Variants in NELFE observed in about 807,000 individuals in gnomAD.
NELFE encodes negative elongation factor complex member E, also known as negative elongation factor E.
A neutral mutation model predicts 55.5 loss-of-function variants in NELFE; 26 were observed. The ratio of observed to expected loss-of-function variants is 0.47; its 90% CI spans 0.34 to 0.65. The LOEUF (loss-of-function observed/expected upper bound fraction) is 0.65. Ranked by LOEUF, NELFE falls within the 30% of genes least tolerant of loss-of-function variation. The probability of loss-of-function intolerance (pLI) is 0.01; values close to 1 mark genes in which losing one functional copy is unlikely to be tolerated. For synonymous variants in NELFE, 162 were observed against 178.0 expected, an observed-to-expected ratio of 0.91 and a Z score of 0.72; for missense variants, 403 against 506.9, an observed-to-expected ratio of 0.80 and a Z score of 1.97.
rs773369967 is a variant in NELFE, at chr6:31,956,844, G to A, written c.146-6C>T. On this transcript the variant is annotated splice_polypyrimidine_tract_variant and splice_region_variant and intron_variant, in intron 3 of 10. Coordinates refer to ENST00000375429, the MANE Select transcript of NELFE (RefSeq NM_002904.6). The stretch of plus-strand genomic sequence containing the variant: ...GACAGGCTGCTCTGATAGTGCTGGA[G>A]AGACAAGGGGAAGAGGCATTATGTT... 1.2e-6 allele frequency: 2 copies of A among 1,613,060 alleles called. No homozygotes were observed. Among genetic ancestry groups the A allele is most frequent in the Admixed American group, 3.3e-5 (2 of 60,022 alleles).
rs879198291 is a variant in NELFE, at chr6:31,958,911, G to T, written c.-28C>A. On this transcript the variant is annotated 5_prime_UTR_variant, in exon 1 of 11. Coordinates refer to ENST00000375429, the MANE Select transcript of NELFE (RefSeq NM_002904.6). ...CCTTACCCGAGGGGGCGGCAACCGG[G>T]GGCCCCACGGTCTCCGGCCGCGCCC... The T allele has an allele frequency of 6.9e-5, 41 of 594,108 alleles. 1 individual carries two copies. The highest frequency in any genetic ancestry group is 6.9e-4 in the South Asian group (34 of 49,330). 36.8% of individuals were successfully genotyped at this position (594,108 alleles called of 1,614,324 possible).
chr6:31,954,727 G>A lies in NELFE; in HGVS notation c.570C>T (p.Arg190=). The change falls in exon 7 of 11, where the codon CGC becomes CGT. Residue 190 remains arginine (R), a synonymous_variant. Transcript: ENST00000375429. The surrounding 1 kb of genome is among the most constrained non-coding windows in gnomAD (Gnocchi z 5.5). ...CTCTGTCCCGGTTCCTCTCATGGCT[G>A]CGGTCCCGGCTGCGGCTTCGGGGAG... ...ASPPRSRSRD[R]SHERNRDRDR... 1.2e-6 allele frequency: 2 copies of A among 1,613,872 alleles called. No individual in the cohort carries two copies. Among genetic ancestry groups the A allele is most frequent in the Non-Finnish European group, 1.7e-6 (2 of 1,179,936 alleles).
At position 31,954,154 on chromosome 6, in the gene NELFE, G is replaced by A. The variant is rs576717745; in HGVS notation, c.888-20C>T. ...GCACAGCTGGGATAAGAGAAAACAC[G>A]GTCAGTGGAGAGCCAAGGGGCTCTT... On this transcript the variant is annotated intron_variant, in intron 8 of 10. Coordinates refer to ENST00000375429, the MANE Select transcript of NELFE (RefSeq NM_002904.6). This position sits in a 1 kb window ranked among gnomAD's most constrained non-coding sequence, Gnocchi z 5.5. 28 of 1,613,974 alleles carry A rather than the reference G, an allele frequency of 1.7e-5. No individual in the cohort carries two copies. Among genetic ancestry groups the A allele is most frequent in the Middle Eastern group, 1.7e-4 (1 of 6,060 alleles).
At position 31,953,752 on chromosome 6, in the gene NELFE, C is replaced by T. The variant is rs769125691; in HGVS notation, c.1022G>A (p.Gly341Asp). The T allele has an allele frequency of 6.2e-7, 1 of 1,612,918 alleles. No homozygotes were observed. Among genetic ancestry groups the T allele is most frequent in the East Asian group, 2.2e-5 (1 of 44,878 alleles). The change falls in exon 10 of 11, where the codon GGC becomes GAC. Residue 341 changes from glycine to aspartate, a missense_variant. This residue lies in a region of NELFE where 77 missense variants were observed against 123.3 expected (regional missense o/e 0.62). Coordinates refer to ENST00000375429, the MANE Select transcript of NELFE (RefSeq NM_002904.6). ...ACCGAGGGAGCCCCAGACAGACTTG[C>T]CAGTAGCGGCATCCAGCATGGGCTG... ...RKQPMLDAAT[G>D]KSVWGSLAVQ...
chr6:31,952,537 G>A, intron 10 of NELFE, 139 bp from the exon 11 acceptor site: 1 of 597,452 alleles, frequency 1.7e-6, no homozygotes, highest in Admixed American at 3.4e-5. Context: ...GGCCAGGATG[G>A]CCTGTCTTCC....
chr6:31,957,103 G>A (rs403569), intron 2 of NELFE, 93 bp from the exon 3 acceptor site: 110,116 of 1,130,108 alleles, frequency 0.097, 6,292 homozygotes, highest in African/African-American at 0.2. Context: ...TCCAGGGACC[G>A]TCTTTCTTGA....
rs781679240 is a variant in NELFE at position 31,954,521 on chromosome 6, A to G, written c.742+34T>C. 5 of 1,589,604 alleles carry G rather than the reference A, an allele frequency of 3.1e-6. No individual in the cohort carries two copies. In the South Asian group the frequency reaches 5.8e-5, roughly 18 times the overall value. On this transcript the variant is annotated intron_variant, in intron 7 of 10. Transcript: ENST00000375429. This position sits in a 1 kb window ranked among gnomAD's most constrained non-coding sequence, Gnocchi z 5.5. ...AGTAGGACCCACATAAACCTCAGTT[A>G]AGGTCACCTTGACCTCCAGCCAAAA...
chr6:31,958,102 AG>A (rs1348440438), intron 2 of NELFE, among the ~76,000 whole-genome samples: 1 of 152,220 alleles, frequency 6.6e-6, no homozygotes, highest in African/African-American at 2.4e-5. Flanking sequence ...AACACTGGAT[AG>A]AACTGGAAAA....
chr6:31,958,575 C>T, intron 1 of NELFE, 121 bp from the exon 2 acceptor site: 1 of 832,344 alleles, frequency 1.2e-6, no homozygotes, highest in Non-Finnish European at 2.1e-6. Flanking sequence ...TTTGGCTTTC[C>T]CTACCCCTTG....
chr6:31,953,635 C>T, intron 10 of NELFE, 94 bp downstream of exon 10: 1 of 1,076,178 alleles, frequency 9.3e-7, no homozygotes, highest in Non-Finnish European at 1.4e-6. Flanking sequence ...ACACTCTGAC[C>T]TCGATCATCT....
rs1348321467 is a variant in NELFE, at chr6:31,953,988, A to T, written c.942+92T>A. On this transcript the variant is annotated intron_variant, in intron 9 of 10. Transcript: ENST00000375429. ...ATAGGGAGAGGCTTTCTTTATCAAG[A>T]GGAACCAACTTCTTCCTGGCATCTA... is the stretch of plus-strand genomic sequence containing the variant. 3 of 1,458,054 alleles carry T rather than the reference A, an allele frequency of 2.1e-6. No homozygotes were observed. In the Admixed American group the frequency reaches 5.4e-5, roughly 26 times the overall value. 90.3% of individuals were successfully genotyped at this position (1,458,054 alleles called of 1,614,324 possible).
At position 31,956,251 on chromosome 6, in the gene NELFE, T is replaced by C. The variant is rs180745635; in HGVS notation, c.291+442A>G. The stretch of plus-strand genomic sequence containing the variant: ...GCCTCACACCCTGCTGATTTTTGTA[T>C]TTTTAGTAGAGACGGGGTTTTACCA... On this transcript the variant is annotated intron_variant, in intron 4 of 10. Coordinates refer to ENST00000375429, the MANE Select transcript of NELFE (RefSeq NM_002904.6). Among the ~76,000 whole-genome samples, 145 of 152,062 alleles carry C rather than the reference T, an allele frequency of 9.5e-4. 2 individuals are homozygous for C. Among genetic ancestry groups the C allele is most frequent in the Admixed American group, 7.7e-3 (117 of 15,288 alleles).
chr6:31,953,628 C>T (rs1771891626), intron 10 of NELFE, 101 bp downstream of exon 10: 5 of 1,006,836 alleles, frequency 5.0e-6, no homozygotes, highest in African/African-American at 4.7e-5. Flanking sequence ...TCCGCACACA[C>T]TCTGACCTCG....
At chr6:31,958,233 C>G (rs1204981664) in intron 2 of NELFE, 139 bp downstream of exon 2, 3 of 763,046 alleles carry the variant, frequency 3.9e-6, no homozygotes, top group Non-Finnish European at 6.9e-6. Context: ...GAAAGCCCAC[C>G]TCTCGAAGCT....
intron 4 of NELFE, among the ~76,000 whole-genome samples, chr6:31,955,683 C>T (rs1772043449): frequency 1.3e-5 from 2 of 150,632 alleles, no homozygotes. Context: ...GTCTCAAACT[C>T]CTGGGCTCAA....
At position 31,958,958 on chromosome 6, in the gene NELFE, C is replaced by T. The variant is rs1414595534; in HGVS notation, c.-75G>A. The T allele has an allele frequency of 1.7e-6, 1 of 602,708 alleles. No individual in the cohort carries two copies. The highest frequency in any genetic ancestry group is 2.0e-5 in the South Asian group (1 of 50,174). The allele number at this position is 602,708 out of a possible 1,614,324, so 37.3% of individuals were successfully genotyped here. On this transcript the variant is annotated 5_prime_UTR_variant, in exon 1 of 11. Transcript: ENST00000375429. ...GCCCGCGCTGGCCGCTGATAGCGGGCTCACAACGATGACGTAGCGAGGAGC... is the reference window on the plus strand; with the variant it reads ...GCCCGCGCTGGCCGCTGATAGCGGGTTCACAACGATGACGTAGCGAGGAGC...
At chr6:31,958,030 T>C (rs1196240006) in intron 2 of NELFE, among the ~76,000 whole-genome samples, 1 of 152,220 alleles carries the variant, frequency 6.6e-6, no homozygotes, top group Non-Finnish European at 1.5e-5. Context: ...TCAATCTTAT[T>C]TGGAAGATCA....
intron 1 of NELFE, 28 bp from the exon 2 acceptor site, chr6:31,958,482 C>T: frequency 6.3e-7 from 1 of 1,588,284 alleles, no homozygotes; most frequent in Non-Finnish European, 8.6e-7. Flanking sequence ...CCCAAGACAT[C>T]TTTCTCCACT....
At position 31,954,158 on chromosome 6, in the gene NELFE, A is replaced by G. The variant is rs773424956; in HGVS notation, c.888-24T>C. 1.9e-6 allele frequency: 3 copies of G among 1,614,034 alleles called. No individual in the cohort carries two copies. The highest frequency in any genetic ancestry group is 2.5e-6 in the Non-Finnish European group (3 of 1,179,908). ...AGCTGGGATAAGAGAAAACACGGTCAGTGGAGAGCCAAGGGGCTCTTCTGG... is the reference window on the plus strand; with the variant it reads ...AGCTGGGATAAGAGAAAACACGGTCGGTGGAGAGCCAAGGGGCTCTTCTGG... On this transcript the variant is annotated intron_variant, in intron 8 of 10. Coordinates refer to ENST00000375429, the MANE Select transcript of NELFE (RefSeq NM_002904.6). This position sits in a 1 kb window ranked among gnomAD's most constrained non-coding sequence, Gnocchi z 5.5.
Sources: gnomAD v4.1 joint callset for allele counts (sites outside exome capture counted in the v4.1 genomes callset) on GRCh38, gnomAD v4.1.1 for gene constraint, gnomAD v4.1.1 regional missense constraint, Gnocchi (gnomAD v3.1) non-coding constraint, MANE v1.5 for transcripts, NCBI Gene and HGNC (gene_info 2026-07-23, HGNC 2026-07-21) for gene names.